Variants in SCARF2 observed in about 807,000 individuals in gnomAD.
SCARF2 encodes the protein scavenger receptor class F member 2, also known as scavenger receptor expressed by endothelial cells 2 protein.
Under a neutral mutation model 73.4 loss-of-function variants are expected in SCARF2, and 39 were observed. The ratio of observed to expected loss-of-function variants is 0.53; its 90% confidence interval spans 0.41 to 0.69. The LOEUF (loss-of-function observed/expected upper bound fraction) is 0.69. Ranked by LOEUF, SCARF2 falls within the 30% of genes least tolerant of loss-of-function variation. The probability of loss-of-function intolerance (pLI) is 0.00; values close to 1 mark genes in which losing one functional copy is unlikely to be tolerated. For synonymous variants in SCARF2, 605 were observed against 590.0 expected, an observed-to-expected ratio of 1.03 and a Z score of -0.37; for missense variants, 1,148 against 1,303.5, an observed-to-expected ratio of 0.88 and a Z score of 1.84.
intron 10 of SCARF2, 83 bp from the exon 11 acceptor site, chr22:20,426,365 C>T (rs2041864382): frequency 2.8e-6 from 4 of 1,445,076 alleles, no homozygotes; most frequent in East Asian, 2.5e-5. Flanking sequence ...CTTCACCTTT[C>T]CTCCTCTACC....
chr22:20,434,456 A>G (rs1055016286), intron 1 of SCARF2, among the ~76,000 whole-genome samples: 2 of 152,236 alleles, frequency 1.3e-5, no homozygotes, highest in African/African-American at 4.8e-5. Context: ...TCTCTGGTTT[A>G]GCGGGCACCC....
At chr22:20,437,400 G>C (rs1210206813) in intron 1 of SCARF2, among the ~76,000 whole-genome samples, 182 bp downstream of exon 1, 1 of 152,204 alleles carries the variant, frequency 6.6e-6, no homozygotes, top group African/African-American at 2.4e-5. Flanking sequence ...GGTTCCCTGG[G>C]ATGCACTGTC....
Position 20,425,268 on chromosome 22 carries a change from G to GGTGCCCGGCCAATAGGAGGCCGCCC in SCARF2, c.*82_*106dup, listed in dbSNP as rs2052558091. The stretch of plus-strand genomic sequence containing the variant: ...GAGACGCAACCTCCGCTAGCCGCGC[G>GGTGCCCGGCCAATAGGAGGCCGCCC]GTGCCCGGCCAATAGGAGGCCGCCC... On this transcript the variant is annotated 3_prime_UTR_variant, in exon 11 of 11. Transcript: ENST00000622235. This position sits in a 1 kb window ranked among gnomAD's most constrained non-coding sequence, Gnocchi z 4.6. The GGTGCCCGGCCAATAGGAGGCCGCCC allele has an allele frequency of 5.2e-6, 5 of 957,986 alleles. No individual in the cohort carries two copies. Among genetic ancestry groups the GGTGCCCGGCCAATAGGAGGCCGCCC allele is most frequent in the African/African-American group, 1.7e-5 (1 of 58,428 alleles). 59.3% of individuals were successfully genotyped at this position (957,986 alleles called of 1,614,324 possible).
Position 20,430,908 on chromosome 22 carries a change from C to A in SCARF2, c.855G>T (p.Arg285=), listed in dbSNP as rs746820764. 1.3e-6 allele frequency: 2 copies of A among 1,591,646 alleles called. No individual in the cohort carries two copies. Among genetic ancestry groups the A allele is most frequent in the Admixed American group, 3.4e-5 (2 of 58,700 alleles). The part of the protein sequence containing the change: ...AGFYGLGCRR[R]CGQCKGQQPC... ...GCTGCTGGCCCTTGCACTGGCCACA[C>A]CTGGGGGAGGGGTCGGAGGCTAGGG... is the stretch of plus-strand genomic sequence containing the variant. Residue 285 remains arginine (R), a splice_region_variant and synonymous_variant, in exon 5 of 11, where the codon CGG becomes CGT. Coordinates refer to ENST00000622235, the MANE Select transcript of SCARF2 (RefSeq NM_182895.5).
chr22:20,429,576 C>A lies in SCARF2; in HGVS notation c.1384G>T (p.Gly462Cys), dbSNP rs748989949. 1 of 1,613,188 alleles carries A rather than the reference C, an allele frequency of 6.2e-7. No homozygotes were observed. Among genetic ancestry groups the A allele is most frequent in the Non-Finnish European group, 8.5e-7 (1 of 1,179,874 alleles). The change falls in exon 8 of 11, where the codon GGC becomes TGC. Residue 462 changes from glycine (G) to cysteine (C), a missense_variant. Transcript: ENST00000622235. The surrounding 1 kb of genome is among the most constrained non-coding windows in gnomAD (Gnocchi z 5.2). Reference sequence around the variant, plus strand: ...TTGCCGCGGCAAGCGCAGCAGCAGCCGAGCAGCGAGAGCAGCAGGCAGACG... The same window carrying A: ...TTGCCGCGGCAAGCGCAGCAGCAGCAGAGCAGCGAGAGCAGCAGGCAGACG... Reference protein sequence around the residue: ...LLVCLLLSLLGCCCACRGKDP... With the variant: ...LLVCLLLSLLCCCCACRGKDP...
In SCARF2 at chr22:20,429,707, C is replaced by T. The variant is rs752432579; in HGVS notation, c.1306+23G>A. ...TTCTGGCACCCCCTGCATTCCTTAACGGGACGCCCCTCATCCACTTACCTA... is the reference window on the plus strand; with the variant it reads ...TTCTGGCACCCCCTGCATTCCTTAATGGGACGCCCCTCATCCACTTACCTA... On this transcript the variant is annotated intron_variant, in intron 7 of 10. Coordinates refer to ENST00000622235, the MANE Select transcript of SCARF2 (RefSeq NM_182895.5). This position sits in a 1 kb window ranked among gnomAD's most constrained non-coding sequence, Gnocchi z 5.2. The T allele has an allele frequency of 1.2e-6, 2 of 1,613,978 alleles. No individual in the cohort carries two copies. Among genetic ancestry groups the T allele is most frequent in the South Asian group, 2.2e-5 (2 of 91,090 alleles).
rs1336814615 is a variant in SCARF2, at chr22:20,431,857, G to C, written c.233-11C>G. 1 of 1,597,068 alleles carries C rather than the reference G, an allele frequency of 6.3e-7. No individual in the cohort carries two copies. The highest frequency in any genetic ancestry group is 2.3e-5 in the East Asian group (1 of 44,252). On this transcript the variant is annotated splice_polypyrimidine_tract_variant and intron_variant, in intron 2 of 10. Transcript: ENST00000622235. ...TGCCTTCGCACACCGCTGTGGACGAGACAGGCCAGAGCTGCTGCGCGTCCT... is the reference window on the plus strand; with the variant it reads ...TGCCTTCGCACACCGCTGTGGACGACACAGGCCAGAGCTGCTGCGCGTCCT...
intron 9 of SCARF2, 100 bp from the exon 10 acceptor site, chr22:20,427,650 C>A: frequency 7.1e-7 from 1 of 1,414,958 alleles, no homozygotes; most frequent in Non-Finnish European, 9.7e-7. Context: ...TGACCAAGAC[C>A]AGCCCTATTC....
In SCARF2 at chr22:20,425,757, C is replaced by T. The variant is rs2052568146; in HGVS notation, c.2219G>A (p.Arg740Lys). ...GGGGCCGCGGCCCCGCGCTCGGGCC[C>T]TGGGCGGCGAGGGCGCAGCGAGGGC... ...ATALAAPSPP[R>K]ARARGRGPGL... Residue 740 changes from arginine (R) to lysine (K), a missense_variant, in exon 11 of 11, where the codon AGG becomes AAG. By Grantham distance (26) the Arg-to-Lys change is conservative. This residue lies in a region of SCARF2 where 46 missense variants were observed against 80.6 expected (regional missense o/e 0.57). Transcript: ENST00000622235. The surrounding 1 kb of genome is among the most constrained non-coding windows in gnomAD (Gnocchi z 4.6). The T allele has an allele frequency of 3.9e-6, 5 of 1,293,996 alleles. No homozygotes were observed. The highest frequency in any genetic ancestry group is 4.2e-5 in the Admixed American group (1 of 23,874). 80.2% of individuals were successfully genotyped at this position (1,293,996 alleles called of 1,614,324 possible). A position where few individuals can be genotyped will look rare whatever the true frequency, so the allele number is the denominator to read the frequency against.
chr22:20,436,443 G>A (rs1172523892), intron 1 of SCARF2, among the ~76,000 whole-genome samples: 1 of 152,064 alleles, frequency 6.6e-6, no homozygotes, highest in Non-Finnish European at 1.5e-5. Context: ...GTCCGCGGCG[G>A]CGGCATCGAT....
Position 20,430,450 on chromosome 22 carries a change from C to A in SCARF2, c.1181G>T (p.Ser394Ile). The A allele has an allele frequency of 6.3e-7, 1 of 1,592,828 alleles. No homozygotes were observed. Among genetic ancestry groups the A allele is most frequent in the Non-Finnish European group, 8.5e-7 (1 of 1,170,476 alleles). Residue 394 changes from serine (S) to isoleucine (I), a missense_variant, in exon 6 of 11, where the codon AGC becomes ATC. Transcript: ENST00000622235. ...CDFQSGRCLCSPGVHGPHCNV... is the reference protein window; with the variant it reads ...CDFQSGRCLCIPGVHGPHCNV... ...TCACTGGGGCCCGTGGACGCCAGGG[C>A]TGCACAGGCAGCGCCCCGACTGGAA...
At chr22:20,430,059 G>A (rs1569108486) in intron 6 of SCARF2, 3 of 620,876 alleles carry the variant, frequency 4.8e-6, no homozygotes, top group Non-Finnish European at 2.8e-6. Flanking sequence ...GGGCCTGGGG[G>A]ATAGGACCCG....
At chr22:20,430,598 A>C (rs367996428) in intron 5 of SCARF2, 41 bp from the exon 6 acceptor site, 162 of 1,611,322 alleles carry the variant, frequency 1.0e-4, no homozygotes, top group Non-Finnish European at 1.3e-4. Flanking sequence ...AATGGAGGCA[A>C]ACGGACCACA....
Position 20,427,215 on chromosome 22 carries a change from C to T in SCARF2, c.1693+183G>A, listed in dbSNP as rs540415124. 9.8e-5 allele frequency among the ~76,000 whole-genome samples: 14 copies of T among 142,274 alleles called. No individual in the cohort carries two copies. In the East Asian group the frequency reaches 1.6e-3, roughly 16 times the overall value. 93.3% of individuals were successfully genotyped at this position (142,274 alleles called of 152,430 possible). Reference sequence around the variant, plus strand: ...CTACCCATCTCCCCACACCTGTCTCCGGTACTGAGCAGCAGAGTCCAGCTC... The same window carrying T: ...CTACCCATCTCCCCACACCTGTCTCTGGTACTGAGCAGCAGAGTCCAGCTC... On this transcript the variant is annotated intron_variant, in intron 10 of 10. Coordinates refer to ENST00000622235, the MANE Select transcript of SCARF2 (RefSeq NM_182895.5).
Position 20,431,772 on chromosome 22 carries a change from C to T in SCARF2, c.307G>A (p.Gly103Ser), listed in dbSNP as rs1171151295. The change falls in exon 3 of 11, where the codon GGC (glycine) becomes AGC (serine). Residue 103 changes from glycine (G) to serine (S), a missense_variant. Physicochemically the swap from Gly to Ser is moderately conservative, Grantham distance 56 (BLOSUM62 0). This residue lies in a region of SCARF2 where 372 missense variants were observed against 532.0 expected (regional missense o/e 0.70). Coordinates refer to ENST00000622235, the MANE Select transcript of SCARF2 (RefSeq NM_182895.5). ...VRPGECRCRH[G>S]YFGANCDTKC... ...GTGTCGCAGTTGGCACCGAAGTAGC[C>T]GTGGCGGCAGCGGCACTCGCCAGGC... 5 of 1,589,112 alleles carry T rather than the reference C, an allele frequency of 3.1e-6. No individual in the cohort carries two copies. In the African/African-American group the frequency reaches 5.4e-5, roughly 17 times the overall value.
intron 9 of SCARF2, among the ~76,000 whole-genome samples, chr22:20,428,272 C>G: frequency 7.9e-6 from 1 of 126,114 alleles, no homozygotes; most frequent in South Asian, 2.8e-4. Context: ...CTCTTCTCTT[C>G]TCCTCTCCTC....
chr22:20,426,372 T>G, intron 10 of SCARF2, 90 bp from the exon 11 acceptor site: 2 of 1,398,630 alleles, frequency 1.4e-6, no homozygotes, highest in Non-Finnish European at 1.9e-6. Context: ...TTTCCTCCTC[T>G]ACCCACGCCC....
In SCARF2 at chr22:20,425,834, G is replaced by C; in HGVS notation, c.2142C>G (p.Pro714=). 6.4e-7 allele frequency: 1 copy of C among 1,568,170 alleles called. No homozygotes were observed. The part of the protein sequence containing the change: ...KSAHTVEHGS[P]RTRDPTPRPP... ...GCCGCGGCGTTGGGTCGCGGGTCCG[G>C]GGGCTGCCGTGTTCGACCGTATGCG... The change falls in exon 11 of 11, where the codon CCC becomes CCG. Residue 714 remains proline, a synonymous_variant. Coordinates refer to ENST00000622235, the MANE Select transcript of SCARF2 (RefSeq NM_182895.5). This position sits in a 1 kb window ranked among gnomAD's most constrained non-coding sequence, Gnocchi z 4.6.
Position 20,425,963 on chromosome 22 carries a change from C to T in SCARF2, c.2013G>A (p.Lys671=). The T allele has an allele frequency of 6.3e-7, 1 of 1,594,548 alleles. No individual in the cohort carries two copies. The highest frequency in any genetic ancestry group is 1.7e-5 in the Admixed American group (1 of 59,172). The part of the protein sequence containing the change: ...TKPKVSWIHG[K]HSAAAAGRAP... ...CACGGCCAGCTGCAGCGGCGCTGTGCTTGCCGTGGATCCAGGACACCTTAG... is the reference window on the plus strand; with the variant it reads ...CACGGCCAGCTGCAGCGGCGCTGTGTTTGCCGTGGATCCAGGACACCTTAG... Residue 671 remains lysine, a synonymous_variant, in exon 11 of 11, where the codon AAG becomes AAA. Coordinates refer to ENST00000622235, the MANE Select transcript of SCARF2 (RefSeq NM_182895.5). This position sits in a 1 kb window ranked among gnomAD's most constrained non-coding sequence, Gnocchi z 4.6.
Sources: gnomAD v4.1 joint callset for allele counts (sites outside exome capture counted in the v4.1 genomes callset) on GRCh38, gnomAD v4.1.1 for gene constraint, gnomAD v4.1.1 regional missense constraint, Gnocchi (gnomAD v3.1) non-coding constraint, MANE v1.5 for transcripts, NCBI Gene and HGNC (gene_info 2026-07-23, HGNC 2026-07-21) for gene names.